The following SAG variants were observed in gnomAD, a reference collection of about 807,000 sequenced individuals.
SAG encodes S-antigen visual arrestin.
Under a neutral mutation model 55.0 loss-of-function variants are expected in SAG, and 45 were observed. The ratio of observed to expected loss-of-function variants is 0.82; its 90% CI spans 0.64 to 1.05. SAG has a LOEUF of 1.05. SAG is among the 50% of genes least tolerant of loss of function. SAG has a pLI of 0.00. For missense variants in SAG, 455 were observed against 512.1 expected (o/e 0.89, Z 1.08); for synonymous variants, 189 against 197.4 (o/e 0.96, Z 0.36).
chr2:233,346,367 C>T (rs1467903046), intron 14 of SAG, 36 bp from the exon 15 acceptor site: 1 of 1,609,980 alleles, frequency 6.2e-7, no homozygotes, highest in African/African-American at 1.3e-5. Flanking sequence ...TCTCTCTCTC[C>T]CTCTTCCCTG....
At chr2:233,316,029 G>A (rs775001335) in intron 2 of SAG, 46 bp from the exon 3 acceptor site, 2 of 1,209,948 alleles carry the variant, frequency 1.7e-6, no homozygotes, top group East Asian at 2.5e-5. Flanking sequence ...GGATGCCTTA[G>A]CTTAGCATTC....
chr2:233,311,684 T>G (rs2125320091), intron 2 of SAG, among the ~76,000 whole-genome samples: 1 of 152,288 alleles, frequency 6.6e-6, no homozygotes, highest in East Asian at 1.9e-4. Flanking sequence ...TCCTTCCTGT[T>G]GCAGTGGAAG....
At chr2:233,339,050 G>C (rs1701022766) in intron 12 of SAG, among the ~76,000 whole-genome samples, 1 of 152,174 alleles carries the variant, frequency 6.6e-6, no homozygotes, top group South Asian at 2.1e-4. Context: ...GCAAGAATGA[G>C]GATTAGTCAA....
chr2:233,338,622 C>G, intron 11 of SAG, 54 bp from the exon 12 acceptor site: 1 of 1,503,494 alleles, frequency 6.7e-7, no homozygotes, highest in Non-Finnish European at 9.3e-7. Flanking sequence ...TGCCCATCTG[C>G]TCTTCACCCT....
intron 14 of SAG, chr2:233,343,274 G>C: frequency 6.4e-6 from 1 of 155,344 alleles, no homozygotes; most frequent in South Asian, 1.8e-4. Flanking sequence ...GTAGAGACGG[G>C]GTTTCGCCAT....
intron 2 of SAG, among the ~76,000 whole-genome samples, chr2:233,310,800 C>A (rs917456917): frequency 6.6e-6 from 1 of 152,160 alleles, no homozygotes; most frequent in African/African-American, 2.4e-5. Context: ...AGCCACCGCA[C>A]CTGGCCCATT....
intron 1 of SAG, among the ~76,000 whole-genome samples, chr2:233,308,362 A>C (rs1250451520): frequency 6.6e-6 from 1 of 152,128 alleles, no homozygotes. Context: ...CTGGCTACTC[A>C]GCTGGCTGAG....
At chr2:233,313,815 C>T (rs1700142617) in intron 2 of SAG, among the ~76,000 whole-genome samples, 1 of 151,012 alleles carries the variant, frequency 6.6e-6, no homozygotes, top group Non-Finnish European at 1.5e-5. Context: ...GTGATCCTTC[C>T]CACCTTGGTC....
chr2:233,310,218 C>T (rs1014241285), intron 2 of SAG, among the ~76,000 whole-genome samples: 23 of 152,220 alleles, frequency 1.5e-4, no homozygotes, highest in African/African-American at 5.3e-4. Context: ...TCTAGCTCAG[C>T]AACATCTAGT....
At chr2:233,322,319 A>G (rs546248056) in intron 5 of SAG, among the ~76,000 whole-genome samples, 4 of 152,276 alleles carry the variant, frequency 2.6e-5, no homozygotes, top group African/African-American at 9.6e-5. Context: ...TAGCCAGCAA[A>G]GGGGACTGGC....
intron 3 of SAG, among the ~76,000 whole-genome samples, chr2:233,317,376 T>A (rs1216439146): frequency 6.6e-6 from 1 of 152,256 alleles, no homozygotes; most frequent in Non-Finnish European, 1.5e-5. Context: ...TGTACTGTAA[T>A]TATGGCAGAT....
intron 5 of SAG, among the ~76,000 whole-genome samples, chr2:233,322,513 G>T (rs1290116352): frequency 6.6e-6 from 1 of 152,112 alleles, no homozygotes; most frequent in Non-Finnish European, 1.5e-5. Flanking sequence ...ATACATATTT[G>T]GGCGTGGCCA....
At position 233,319,712 on chromosome 2, in the gene SAG, T is replaced by G. The variant is rs1177783578; in HGVS notation, c.181+917T>G. On this transcript the variant is annotated intron_variant, in intron 4 of 15. Transcript: ENST00000409110. The surrounding 1 kb of genome is among the most constrained non-coding windows in gnomAD (Gnocchi z 4.4). ...TTTGAGCCCCGAAAGCCCAAGTCCT[T>G]GACCAGAGAAGGGCGCCTGTTCTCA... The G allele has an allele frequency of 1.0e-6, 1 of 985,680 alleles. No homozygotes were observed. Among genetic ancestry groups the G allele is most frequent in the Non-Finnish European group, 1.2e-6 (1 of 830,200 alleles). 61.1% of individuals were successfully genotyped at this position (985,680 alleles called of 1,614,324 possible). A position where few individuals can be genotyped will look rare whatever the true frequency, so the allele number is the denominator to read the frequency against.
At chr2:233,314,309 G>A (rs547409580) in intron 2 of SAG, among the ~76,000 whole-genome samples, 1 of 152,122 alleles carries the variant, frequency 6.6e-6, no homozygotes, top group Non-Finnish European at 1.5e-5. Context: ...TGGGGTTAAG[G>A]GATGAGGGAT....
At chr2:233,317,944 C>T (rs979971848) in intron 3 of SAG, among the ~76,000 whole-genome samples, 3 of 152,002 alleles carry the variant, frequency 2.0e-5, no homozygotes, top group Admixed American at 6.6e-5. Context: ...TAAAAGCATT[C>T]GTATAATTAA....
rs1699988030 is a variant in SAG, at chr2:233,307,912, A to G, written c.-139A>G. 6.6e-6 allele frequency: 1 copy of G among 152,388 alleles called. No individual in the cohort carries two copies. Among genetic ancestry groups the G allele is most frequent in the African/African-American group, 2.4e-5 (1 of 41,452 alleles). The allele number at this position is 152,388 out of a possible 1,614,324, so 9.4% of individuals were successfully genotyped here. A position where few individuals can be genotyped will look rare whatever the true frequency, so the allele number is the denominator to read the frequency against. Reference sequence around the variant, plus strand: ...CGGTGCCCCTTCAGGCTCATCTGGCAAGACGGTACCAGCTTGCTCAGAACA... The same window carrying G: ...CGGTGCCCCTTCAGGCTCATCTGGCGAGACGGTACCAGCTTGCTCAGAACA... On this transcript the variant is annotated 5_prime_UTR_variant, in exon 1 of 16. Transcript: ENST00000409110.
chr2:233,323,841 G>A (rs137865402), intron 6 of SAG, among the ~76,000 whole-genome samples: 1 of 152,266 alleles, frequency 6.6e-6, no homozygotes, highest in East Asian at 1.9e-4. Flanking sequence ...CACATTAACC[G>A]AGAGCACCAG....
intron 14 of SAG, chr2:233,343,684 A>T: frequency 8.0e-7 from 1 of 1,252,716 alleles, no homozygotes; most frequent in South Asian, 1.4e-5. Flanking sequence ...CTGAAGAAAC[A>T]TTCTCTGCAT....
At chr2:233,314,240 C>T (rs1012432738) in intron 2 of SAG, among the ~76,000 whole-genome samples, 5 of 147,594 alleles carry the variant, frequency 3.4e-5, no homozygotes, top group Admixed American at 2.7e-4. Flanking sequence ...AAAAAAATTA[C>T]AAGAAAGAGC....
Sources: allele counts gnomAD v4.1 joint callset (sites outside exome capture counted in the v4.1 genomes callset), GRCh38; gene constraint gnomAD v4.1.1; non-coding constraint Gnocchi (gnomAD v3.1); transcripts MANE v1.5; gene names NCBI Gene and HGNC (gene_info 2026-07-23, HGNC 2026-07-21).